HS6ST2: variants seen among roughly 807,000 people sequenced by gnomAD.
The protein encoded by HS6ST2 is heparan-sulfate 6-O-sulfotransferase 2.
In HS6ST2, 17 loss-of-function variants were observed where a neutral mutation model predicts 33.0. The observed-to-expected ratio is 0.52, with a 90% CI of 0.35 to 0.77. The LOEUF (loss-of-function observed/expected upper bound fraction) is 0.77, where lower values mean the gene tolerates loss of function less well. Among genes scored for constraint, HS6ST2 ranks in the 30% least tolerant of loss-of-function variants. The pLI is 0.01. For synonymous variants in HS6ST2, 248 were observed against 237.1 expected (o/e 1.05, Z -0.42); for missense variants, 519 against 551.7 (o/e 0.94, Z 0.59).
chrX:132,774,427 G>A (rs1388782377), intron 2 of HS6ST2, among the ~76,000 whole-genome samples: 3 of 112,026 alleles, frequency 2.7e-5, no homozygotes, highest in East Asian at 2.8e-4. Context: ...CCTACAGACC[G>A]TGTCTCAAAA....
chrX:132,858,801 C>G (rs1230303549), intron 2 of HS6ST2, among the ~76,000 whole-genome samples: 2 of 112,101 alleles, frequency 1.8e-5, no homozygotes, highest in Admixed American at 1.9e-4. Context: ...AGACAATATC[C>G]CCTCCTGGGA....
intron 2 of HS6ST2, among the ~76,000 whole-genome samples, chrX:132,947,052 C>G (rs1300912972): frequency 1.8e-5 from 2 of 111,618 alleles, no homozygotes; most frequent in African/African-American, 6.5e-5. Context: ...CACCCAATGT[C>G]TAAGCACTGC....
At chrX:132,900,287 A>G (rs772922393) in intron 2 of HS6ST2, among the ~76,000 whole-genome samples, 1 of 112,029 alleles carries the variant, frequency 8.9e-6, no homozygotes, top group South Asian at 3.7e-4. Context: ...TTCTTTCATC[A>G]CAAGGAAAAT....
intron 2 of HS6ST2, among the ~76,000 whole-genome samples, chrX:132,852,506 C>T (rs766701690): frequency 8.9e-6 from 1 of 112,147 alleles, no homozygotes; most frequent in Admixed American, 9.5e-5. Context: ...CTAAACAATT[C>T]TATATCAGAA....
At chrX:132,808,980 T>TTTTG (rs2065312551) in intron 2 of HS6ST2, among the ~76,000 whole-genome samples, 1 of 111,700 alleles carries the variant, frequency 9.0e-6, no homozygotes, top group Non-Finnish European at 1.9e-5. Flanking sequence ...TGGCATTCAT[T>TTTTG]TTTGTTTGTT....
At chrX:132,694,775 T>C (rs760602733) in intron 3 of HS6ST2, among the ~76,000 whole-genome samples, 1 of 110,702 alleles carries the variant, frequency 9.0e-6, no homozygotes, top group Non-Finnish European at 1.9e-5. Context: ...AAATTCCAGA[T>C]ATATTATGCA....
At chrX:132,644,470 A>G (rs1162207866) in intron 4 of HS6ST2, among the ~76,000 whole-genome samples, 1 of 111,141 alleles carries the variant, frequency 9.0e-6, no homozygotes, top group Non-Finnish European at 1.9e-5. Context: ...TGGGTCTAGG[A>G]CCAGAACCCA....
chrX:132,742,540 A>G (rs1391491710), intron 2 of HS6ST2, among the ~76,000 whole-genome samples: 1 of 111,611 alleles, frequency 9.0e-6, no homozygotes, highest in African/African-American at 3.3e-5. Flanking sequence ...GCCAAAAAGG[A>G]CTTCCCCAAA....
At chrX:132,842,325 T>G (rs915372020) in intron 2 of HS6ST2, among the ~76,000 whole-genome samples, 2 of 112,032 alleles carry the variant, frequency 1.8e-5, no homozygotes, top group African/African-American at 6.5e-5. Context: ...CACATTCATT[T>G]TTCACACAGC....
intron 3 of HS6ST2, among the ~76,000 whole-genome samples, chrX:132,684,303 A>ATGTATATATATGTATATACATATATATG (rs2063998525): frequency 9.6e-6 from 1 of 103,720 alleles, no homozygotes; most frequent in Non-Finnish European, 1.9e-5. Flanking sequence ...GCACACACAT[A>ATGTATATATATGTATATACATATATATG]TATGTATATA....
chrX:132,813,600 C>T (rs890232484), intron 2 of HS6ST2, among the ~76,000 whole-genome samples: 4 of 111,452 alleles, frequency 3.6e-5, no homozygotes, highest in African/African-American at 1.3e-4. Flanking sequence ...TCAGTTCAAC[C>T]CATCACAACA....
chrX:132,957,309 T>C lies in HS6ST2; in HGVS notation c.446A>G (p.Glu149Gly), dbSNP rs2067091042. The change falls in exon 2 of 5, where the codon GAG becomes GGG. Residue 149 changes from glutamate (E) to glycine (G), a missense_variant. Glu to Gly is a moderately conservative substitution (Grantham distance 98). Transcript: ENST00000370833. ...AGCTAGCAGCAGCTTGTTGGATTTC[T>C]CATCCATGTTCCCGACGCTGGGGGA... ...GPMASVGNMD[E>G]KSNKLLLALV... is the part of the protein sequence containing the mutation. 1 of 1,158,612 alleles carries C rather than the reference T, an allele frequency of 8.6e-7. No individual in the cohort carries two copies. Among genetic ancestry groups the C allele is most frequent in the Non-Finnish European group, 1.2e-6 (1 of 868,321 alleles).
chrX:132,749,935 T>C (rs983303731), intron 2 of HS6ST2, among the ~76,000 whole-genome samples: 14 of 110,792 alleles, frequency 1.3e-4, no homozygotes, highest in African/African-American at 4.3e-4. Flanking sequence ...TCTATACCAA[T>C]AGGAAAGGGC....
At chrX:132,717,836 T>C (rs1569483513) in intron 2 of HS6ST2, among the ~76,000 whole-genome samples, 1 of 112,059 alleles carries the variant, frequency 8.9e-6, no homozygotes, top group Non-Finnish European at 1.9e-5. Context: ...ACTGTCTACA[T>C]GAAGGTGTAG....
At chrX:132,827,399 G>C (rs1161615935) in intron 2 of HS6ST2, among the ~76,000 whole-genome samples, 1 of 111,023 alleles carries the variant, frequency 9.0e-6, no homozygotes, top group African/African-American at 3.3e-5. Flanking sequence ...ATAAGTGACA[G>C]TTTGTTATGG....
At chrX:132,677,853 T>C (rs755129746) in intron 3 of HS6ST2, among the ~76,000 whole-genome samples, 1 of 112,030 alleles carries the variant, frequency 8.9e-6, no homozygotes, top group African/African-American at 3.2e-5. Flanking sequence ...GGTCATATTC[T>C]GTCTTTATAG....
chrX:132,886,838 T>C (rs2066257744), intron 2 of HS6ST2, among the ~76,000 whole-genome samples: 1 of 111,428 alleles, frequency 9.0e-6, no homozygotes, highest in African/African-American at 3.3e-5. Flanking sequence ...GGAGTAACAT[T>C]CAAAATGCTG....
intron 2 of HS6ST2, among the ~76,000 whole-genome samples, chrX:132,768,497 A>G (rs1195602133): frequency 8.9e-6 from 1 of 111,738 alleles, no homozygotes; most frequent in Non-Finnish European, 1.9e-5. Context: ...GGAAAATAAA[A>G]ACCTGTAAAA....
At chrX:132,816,518 T>C (rs752037891) in intron 2 of HS6ST2, among the ~76,000 whole-genome samples, 220 of 111,896 alleles carry the variant, frequency 2.0e-3, no homozygotes, top group Middle Eastern at 9.2e-3. Context: ...GGAATGATTG[T>C]CAATGACTGT....
Sources: allele counts gnomAD v4.1 joint callset (sites outside exome capture counted in the v4.1 genomes callset), GRCh38; gene constraint gnomAD v4.1.1; transcripts MANE v1.5; gene names NCBI Gene and HGNC (gene_info 2026-07-23, HGNC 2026-07-21).